SLC25A13: variants seen among roughly 807,000 people sequenced by gnomAD.
SLC25A13 encodes the protein electrogenic aspartate/glutamate antiporter SLC25A13, mitochondrial.
SLC25A13 carries 70 observed loss-of-function variants against 85.5 expected under a neutral mutation model. The observed-to-expected ratio is 0.82, with a 90% CI of 0.68 to 1.00. The LOEUF is 1.00. Among genes scored for constraint, SLC25A13 ranks in the 50% least tolerant of loss-of-function variants. SLC25A13 has a pLI of 0.00. For missense variants in SLC25A13, 765 were observed against 819.8 expected, an observed-to-expected ratio of 0.93 and a Z score of 0.82; for synonymous variants, 259 against 288.7, an observed-to-expected ratio of 0.90 and a Z score of 1.04.
intron 1 of SLC25A13, among the ~76,000 whole-genome samples, chr7:96,316,421 C>A (rs1800128452): frequency 6.6e-6 from 1 of 152,064 alleles, no homozygotes; most frequent in Admixed American, 6.5e-5. Context: ...ATAAGAACTA[C>A]TGGACTGGGA....
intron 3 of SLC25A13, among the ~76,000 whole-genome samples, chr7:96,246,570 C>T (rs889268952): frequency 1.3e-5 from 2 of 152,100 alleles, no homozygotes; most frequent in African/African-American, 4.8e-5. Context: ...CAGCAGTAAA[C>T]TAAAATTTTT....
intron 11 of SLC25A13, among the ~76,000 whole-genome samples, chr7:96,182,869 T>C (rs1386969387): frequency 6.6e-6 from 1 of 152,126 alleles, no homozygotes; most frequent in East Asian, 1.9e-4. Context: ...GCCCAAAAAG[T>C]AGTTTATGAA....
At chr7:96,319,428 G>GA (rs1391755136) in intron 1 of SLC25A13, among the ~76,000 whole-genome samples, 1 of 149,430 alleles carries the variant, frequency 6.7e-6, no homozygotes, top group Non-Finnish European at 1.5e-5. Context: ...TGTAGTCCCA[G>GA]ATACTTGGGA....
chr7:96,268,381 C>G (rs1366717091), intron 3 of SLC25A13, among the ~76,000 whole-genome samples: 1 of 152,034 alleles, frequency 6.6e-6, no homozygotes, highest in Non-Finnish European at 1.5e-5. Flanking sequence ...TAATCACAAC[C>G]AAATCTAAAA....
chr7:96,231,092 T>C lies in SLC25A13; in HGVS notation c.328+3710A>G, dbSNP rs531832408. 2.1e-3 allele frequency among the ~76,000 whole-genome samples: 314 copies of C among 151,956 alleles called. 4 individuals carry two copies. The highest frequency in any genetic ancestry group is 5.9e-4 in the Non-Finnish European group (40 of 67,956). On this transcript the variant is annotated intron_variant, in intron 4 of 17. Transcript: ENST00000265631. ...TACCACTGCACTCCAGCCTGGGCAA[T>C]AGAGCAAGAGTTCATCTGAAAAACA... is the stretch of plus-strand genomic sequence containing the variant.
intron 3 of SLC25A13, among the ~76,000 whole-genome samples, chr7:96,239,054 T>C (rs1796862892): frequency 6.9e-6 from 1 of 145,900 alleles, no homozygotes; most frequent in African/African-American, 2.5e-5. Flanking sequence ...TATATATATA[T>C]ATATATATAT....
intron 7 of SLC25A13, among the ~76,000 whole-genome samples, chr7:96,190,360 G>A (rs1794798680): frequency 6.6e-6 from 1 of 151,788 alleles, no homozygotes; most frequent in Non-Finnish European, 1.5e-5. Context: ...CAAAGTGCTG[G>A]GATTACAGGC....
intron 3 of SLC25A13, among the ~76,000 whole-genome samples, chr7:96,275,876 T>C (rs577262671): frequency 6.6e-6 from 1 of 152,106 alleles, no homozygotes; most frequent in East Asian, 1.9e-4. Context: ...CCCTAAAACT[T>C]AAAGTATAAT....
intron 1 of SLC25A13, among the ~76,000 whole-genome samples, chr7:96,307,722 CATA>C (rs1049169552): frequency 6.6e-5 from 10 of 152,012 alleles, no homozygotes; most frequent in African/African-American, 2.4e-4. Flanking sequence ...GGGAAATTTC[CATA>C]ATGAGAAGTT....
chr7:96,239,065 A>ATATATATATATATATATATATATATG (rs1392985826), intron 3 of SLC25A13, among the ~76,000 whole-genome samples: 9 of 132,046 alleles, frequency 6.8e-5, no homozygotes, highest in African/African-American at 2.6e-4. Context: ...ATATATATAT[A>ATATATATATATATATATATATATATG]TATGTATGTA....
intron 1 of SLC25A13, among the ~76,000 whole-genome samples, chr7:96,301,081 A>G (rs1799531984): frequency 6.6e-6 from 1 of 152,252 alleles, no homozygotes; most frequent in African/African-American, 2.4e-5. Flanking sequence ...ACCAATACCC[A>G]GGAAGTTCTA....
intron 2 of SLC25A13, among the ~76,000 whole-genome samples, chr7:96,282,167 C>A (rs867097683): frequency 6.6e-6 from 1 of 152,048 alleles, no homozygotes; most frequent in Non-Finnish European, 1.5e-5. Flanking sequence ...TTTTAGGATT[C>A]CTCATGCAAC....
At chr7:96,244,994 T>G (rs1242725476) in intron 3 of SLC25A13, among the ~76,000 whole-genome samples, 1 of 152,162 alleles carries the variant, frequency 6.6e-6, no homozygotes, top group Non-Finnish European at 1.5e-5. Context: ...AATTGTGAGC[T>G]TAACTCAGTA....
intron 3 of SLC25A13, among the ~76,000 whole-genome samples, chr7:96,239,778 T>G: frequency 6.6e-6 from 1 of 152,172 alleles, no homozygotes; most frequent in East Asian, 1.9e-4. Flanking sequence ...ACTAGATATT[T>G]TCTGTAAGCA....
chr7:96,266,982 G>T (rs1363663890), intron 3 of SLC25A13, among the ~76,000 whole-genome samples: 2 of 152,162 alleles, frequency 1.3e-5, no homozygotes, highest in Non-Finnish European at 2.9e-5. Flanking sequence ...TCGAAGAGAT[G>T]CTTTCGCCAA....
chr7:96,290,080 C>G (rs4729248), intron 2 of SLC25A13, among the ~76,000 whole-genome samples: 152,143 of 152,230 alleles, frequency 1, 76,028 homozygotes, highest in Middle Eastern at 1. Context: ...AAACTGATCT[C>G]CCGACAGATC....
At chr7:96,239,749 A>C (rs1381173111) in intron 3 of SLC25A13, among the ~76,000 whole-genome samples, 4 of 152,064 alleles carry the variant, frequency 2.6e-5, no homozygotes. Flanking sequence ...TAACTACTCT[A>C]TTTCATGGTT....
chr7:96,194,061 C>T (rs1794959641), intron 5 of SLC25A13, among the ~76,000 whole-genome samples: 1 of 152,126 alleles, frequency 6.6e-6, no homozygotes, highest in African/African-American at 2.4e-5. Flanking sequence ...CTGCAGAGAG[C>T]ATTTTATTAT....
At chr7:96,177,002 A>C (rs527298077) in intron 11 of SLC25A13, among the ~76,000 whole-genome samples, 1 of 152,122 alleles carries the variant, frequency 6.6e-6, no homozygotes, top group South Asian at 2.1e-4. Flanking sequence ...CTTACTATCT[A>C]TTGGTTTATT....
Sources: gnomAD v4.1 joint callset for allele counts (sites outside exome capture counted in the v4.1 genomes callset) on GRCh38, gnomAD v4.1.1 for gene constraint, MANE v1.5 for transcripts, NCBI Gene and HGNC (gene_info 2026-07-23, HGNC 2026-07-21) for gene names.